The following TTC39B variants were observed in gnomAD, a reference collection of about 807,000 sequenced individuals.
The protein encoded by TTC39B is tetratricopeptide repeat domain 39B.
TTC39B carries 92 observed loss-of-function variants against 96.6 expected under a neutral mutation model. The observed-to-expected ratio is 0.95, with a 90% CI of 0.80 to 1.13. The LOEUF (loss-of-function observed/expected upper bound fraction) is 1.13, where lower values mean the gene tolerates loss of function less well. TTC39B is among the 50% of genes most tolerant of loss of function. TTC39B has a pLI of 0.00. For synonymous variants in TTC39B, 367 were observed against 299.4 expected, an observed-to-expected ratio of 1.23 and a Z score of -2.33; for missense variants, 955 against 809.3, an observed-to-expected ratio of 1.18 and a Z score of -2.18.
chr9:15,294,919 A>C (rs1824317090), intron 1 of TTC39B, among the ~76,000 whole-genome samples: 1 of 152,210 alleles, frequency 6.6e-6, no homozygotes, highest in Non-Finnish European at 1.5e-5. Flanking sequence ...TCTCTGGTGA[A>C]TATGGAATAG....
At chr9:15,191,389 C>G in intron 9 of TTC39B, 134 bp from the exon 10 acceptor site, 1 of 609,486 alleles carries the variant, frequency 1.6e-6, no homozygotes, top group Non-Finnish European at 2.9e-6. Context: ...CCAGATATTT[C>G]TGTTACCACA....
At chr9:15,204,581 C>T (rs953893821) in intron 6 of TTC39B, among the ~76,000 whole-genome samples, 2 of 150,360 alleles carry the variant, frequency 1.3e-5, no homozygotes, top group South Asian at 2.1e-4. Context: ...TTGAAAAAAA[C>T]TAAATTAAAT....
chr9:15,183,347 T>C (rs899129155), intron 16 of TTC39B: 1 of 435,434 alleles, frequency 2.3e-6, no homozygotes, highest in African/African-American at 2.1e-5. Flanking sequence ...GAATCTTTTT[T>C]AAATTGATGA....
chr9:15,192,144 A>C (rs138986997), intron 9 of TTC39B, among the ~76,000 whole-genome samples: 3 of 152,212 alleles, frequency 2.0e-5, no homozygotes, highest in African/African-American at 7.2e-5. Flanking sequence ...TGAACCATCA[A>C]TAAAATTTAA....
At chr9:15,197,221 C>T (rs1819221103) in intron 8 of TTC39B, among the ~76,000 whole-genome samples, 2 of 152,154 alleles carry the variant, frequency 1.3e-5, no homozygotes, top group South Asian at 4.1e-4. Flanking sequence ...TGAGGTATAC[C>T]TGTATGTCTT....
chr9:15,251,897 G>T (rs1272639602), intron 2 of TTC39B, among the ~76,000 whole-genome samples: 1 of 151,746 alleles, frequency 6.6e-6, no homozygotes, highest in Non-Finnish European at 1.5e-5. Context: ...TGCAATGACA[G>T]TCCATTTGTA....
chr9:15,259,712 A>G (rs138530350), intron 2 of TTC39B, among the ~76,000 whole-genome samples: 15 of 152,324 alleles, frequency 9.8e-5, no homozygotes, highest in African/African-American at 2.9e-4. Flanking sequence ...AGGGTATCCA[A>G]TGCATTTTCA....
intron 1 of TTC39B, among the ~76,000 whole-genome samples, chr9:15,290,846 G>C (rs980961782): frequency 3.3e-5 from 5 of 152,254 alleles, no homozygotes; most frequent in African/African-American, 1.2e-4. Context: ...AAAATGCACA[G>C]GGCACAGATC....
chr9:15,187,751 C>T (rs1191223687), intron 14 of TTC39B, among the ~76,000 whole-genome samples: 1 of 152,220 alleles, frequency 6.6e-6, no homozygotes, highest in African/African-American at 2.4e-5. Flanking sequence ...TGGGCCATCG[C>T]ATTTGGCCCT....
At chr9:15,279,788 C>G (rs1823685102) in intron 1 of TTC39B, among the ~76,000 whole-genome samples, 2 of 151,914 alleles carry the variant, frequency 1.3e-5, no homozygotes, top group South Asian at 4.2e-4. Flanking sequence ...CTGATGTCCC[C>G]AAATAGATCA....
exon 20 of TTC39B, chr9:15,171,162 A>T (rs1817640387): frequency 1.3e-5 from 2 of 152,178 alleles, no homozygotes; most frequent in African/African-American, 4.8e-5. Context: ...GAGATTAGAA[A>T]ACTAGGTCTT....
intron 2 of TTC39B, among the ~76,000 whole-genome samples, chr9:15,240,926 C>A (rs950883817): frequency 2.6e-5 from 4 of 152,198 alleles, no homozygotes; most frequent in African/African-American, 9.7e-5. Context: ...AAACTTATTA[C>A]TTTATGCATA....
intron 2 of TTC39B, among the ~76,000 whole-genome samples, chr9:15,229,491 T>A (rs1821308808): frequency 6.6e-6 from 1 of 152,242 alleles, no homozygotes; most frequent in African/African-American, 2.4e-5. Context: ...TGTGGTAAGA[T>A]TATGGTTTTA....
intron 2 of TTC39B, among the ~76,000 whole-genome samples, chr9:15,263,453 C>A (rs1823014590): frequency 1.3e-5 from 2 of 152,226 alleles, no homozygotes; most frequent in East Asian, 1.9e-4. Context: ...TCAGTCCCGT[C>A]TCCCCAGGAA....
intron 1 of TTC39B, among the ~76,000 whole-genome samples, chr9:15,282,775 A>T (rs1293231001): frequency 6.6e-6 from 1 of 152,156 alleles, no homozygotes; most frequent in Non-Finnish European, 1.5e-5. Context: ...TAAGTAACTC[A>T]CCCAAGGTCA....
intron 6 of TTC39B, among the ~76,000 whole-genome samples, chr9:15,209,541 G>A (rs921537185): frequency 1.3e-5 from 2 of 152,114 alleles, no homozygotes; most frequent in African/African-American, 4.8e-5. Context: ...GAAAAAAACT[G>A]GGAATACCTA....
intron 3 of TTC39B, among the ~76,000 whole-genome samples, chr9:15,218,199 C>T (rs1036521730): frequency 4.0e-5 from 6 of 148,730 alleles, no homozygotes; most frequent in Non-Finnish European, 7.4e-5. Context: ...AGCACTCCAG[C>T]ATTTTTTGCA....
intron 3 of TTC39B, among the ~76,000 whole-genome samples, chr9:15,222,127 T>C (rs1163885144): frequency 1.3e-5 from 2 of 152,210 alleles, no homozygotes; most frequent in Non-Finnish European, 2.9e-5. Context: ...TTTGTCGTAG[T>C]TGTTAAACTA....
intron 7 of TTC39B, among the ~76,000 whole-genome samples, chr9:15,202,049 AGAGACGGAG>A (rs1353557638): frequency 2.6e-5 from 4 of 152,206 alleles, no homozygotes; most frequent in African/African-American, 9.6e-5. Context: ...AATGATAGGA[AGAGACGGAG>A]CTGCACAATC....
Sources: allele counts gnomAD v4.1 joint callset (sites outside exome capture counted in the v4.1 genomes callset), GRCh38; gene constraint gnomAD v4.1.1; transcripts MANE v1.5; gene names NCBI Gene and HGNC (gene_info 2026-07-23, HGNC 2026-07-21).